The following CADM1 variants were observed in gnomAD, a reference collection of about 807,000 sequenced individuals.
The protein encoded by CADM1 is TSLC-1.
Under a neutral mutation model 53.1 loss-of-function variants are expected in CADM1, and 15 were observed. The observed-to-expected ratio is 0.28, with a 90% CI of 0.19 to 0.44. The LOEUF is 0.44. CADM1 is among the 20% of genes least tolerant of loss of function. CADM1 has a pLI of 1.00. For missense variants in CADM1, 434 were observed against 611.3 expected, an observed-to-expected ratio of 0.71 and a Z score of 3.06; for synonymous variants, 281 against 243.0, an observed-to-expected ratio of 1.16 and a Z score of -1.45.
At chr11:115,422,876 G>A (rs1947793738) in intron 1 of CADM1, among the ~76,000 whole-genome samples, 1 of 152,098 alleles carries the variant, frequency 6.6e-6, no homozygotes, top group South Asian at 2.1e-4. Context: ...AGAAACGGAA[G>A]ATTTTCAAGA....
chr11:115,253,081 G>A (rs1942658473), intron 1 of CADM1, among the ~76,000 whole-genome samples: 1 of 152,106 alleles, frequency 6.6e-6, no homozygotes, highest in Non-Finnish European at 1.5e-5. Context: ...CCCCTGATAA[G>A]GTTAAACAAA....
chr11:115,232,520 G>T (rs573939525), intron 3 of CADM1, among the ~76,000 whole-genome samples: 2 of 152,284 alleles, frequency 1.3e-5, no homozygotes, highest in African/African-American at 4.8e-5. Flanking sequence ...CTTATAAGTA[G>T]ATTTACATAT....
intron 1 of CADM1, among the ~76,000 whole-genome samples, chr11:115,501,447 A>G (rs1186982078): frequency 1.3e-5 from 2 of 152,158 alleles, no homozygotes; most frequent in African/African-American, 2.4e-5. Flanking sequence ...CCTGAAAATG[A>G]TAAGAGGGGG....
chr11:115,333,035 A>G (rs977690446), intron 1 of CADM1, among the ~76,000 whole-genome samples: 1 of 152,018 alleles, frequency 6.6e-6, no homozygotes, highest in Non-Finnish European at 1.5e-5. Flanking sequence ...AGAACGTCCA[A>G]TTGCTTACTG....
intron 1 of CADM1, among the ~76,000 whole-genome samples, chr11:115,494,345 A>G (rs1949564653): frequency 6.6e-6 from 1 of 152,214 alleles, no homozygotes; most frequent in Non-Finnish European, 1.5e-5. Flanking sequence ...ACTCAATTTT[A>G]AAGTCATTTT....
chr11:115,185,601 G>T (rs982446010), intron 10 of CADM1, among the ~76,000 whole-genome samples: 7 of 152,170 alleles, frequency 4.6e-5, no homozygotes, highest in African/African-American at 1.2e-4. Context: ...GAGTGGAAAT[G>T]ACTTGATCCA....
rs939818235 is a variant in CADM1 at position 115,287,036 on chromosome 11, C to G, written c.125-46616G>C. Among the ~76,000 whole-genome samples the G allele has an allele frequency of 5.3e-5, 8 of 152,166 alleles. No individual in the cohort carries two copies. The South Asian group carries it at 1.7e-3, about 32-fold the overall frequency. The stretch of plus-strand genomic sequence containing the variant: ...TAAAAGAGAAGTAGTTTCTCCCGAC[C>G]CCTTCTCCCAACTATTGCCTGTTTG... On this transcript the variant is annotated intron_variant, in intron 1 of 11. Transcript: ENST00000331581.
At chr11:115,225,426 C>T (rs1435435669) in intron 5 of CADM1, among the ~76,000 whole-genome samples, 4 of 152,126 alleles carry the variant, frequency 2.6e-5, no homozygotes, top group Admixed American at 6.6e-5. Flanking sequence ...TGATGTTAAT[C>T]ACTTCAATGC....
At chr11:115,267,426 A>C (rs556692829) in intron 1 of CADM1, among the ~76,000 whole-genome samples, 2 of 152,324 alleles carry the variant, frequency 1.3e-5, no homozygotes, top group East Asian at 3.9e-4. Flanking sequence ...CCAGTGTGCT[A>C]TCTCCTTGAG....
chr11:115,381,057 G>C (rs1373903904), intron 1 of CADM1, among the ~76,000 whole-genome samples: 2 of 152,054 alleles, frequency 1.3e-5, no homozygotes, highest in African/African-American at 2.4e-5. Flanking sequence ...CCCACTTCGG[G>C]ATTCTGAGGC....
intron 1 of CADM1, among the ~76,000 whole-genome samples, chr11:115,264,845 C>T (rs113791539): frequency 1.8e-3 from 270 of 152,266 alleles, no homozygotes; most frequent in African/African-American, 6.0e-3. Flanking sequence ...CTCTTACTAT[C>T]CTTCTTTCCA....
intron 1 of CADM1, among the ~76,000 whole-genome samples, chr11:115,242,772 G>C (rs573510397): frequency 1.3e-5 from 2 of 152,246 alleles, no homozygotes; most frequent in Non-Finnish European, 2.9e-5. Flanking sequence ...CTGGTGACGG[G>C]CATTAATCCT....
chr11:115,429,088 A>G (rs2135290315), intron 1 of CADM1, among the ~76,000 whole-genome samples: 1 of 152,276 alleles, frequency 6.6e-6, no homozygotes, highest in African/African-American at 2.4e-5. Flanking sequence ...CATTTACTCT[A>G]TTAACATACT....
At chr11:115,351,245 T>C (rs1945728757) in intron 1 of CADM1, among the ~76,000 whole-genome samples, 1 of 152,224 alleles carries the variant, frequency 6.6e-6, no homozygotes, top group South Asian at 2.1e-4. Flanking sequence ...TGGTCTCTGG[T>C]ATTTGGCTTT....
At chr11:115,184,080 G>A (rs1939433448) in intron 10 of CADM1, among the ~76,000 whole-genome samples, 1 of 152,072 alleles carries the variant, frequency 6.6e-6, no homozygotes, top group African/African-American at 2.4e-5. Flanking sequence ...AGGGTTGTAG[G>A]GATTAGTCTA....
intron 1 of CADM1, among the ~76,000 whole-genome samples, chr11:115,285,022 A>G (rs1228215453): frequency 1.3e-5 from 2 of 152,252 alleles, no homozygotes; most frequent in South Asian, 2.1e-4. Flanking sequence ...CTCAATCTCA[A>G]TGCTGCCTGA....
intron 1 of CADM1, among the ~76,000 whole-genome samples, chr11:115,306,900 C>T (rs1380284882): frequency 6.6e-6 from 1 of 151,924 alleles, no homozygotes; most frequent in African/African-American, 2.4e-5. Flanking sequence ...AGTAAAAACT[C>T]GATATCCAAC....
chr11:115,259,843 C>T (rs1485140756), intron 1 of CADM1, among the ~76,000 whole-genome samples: 1 of 152,188 alleles, frequency 6.6e-6, no homozygotes, highest in Non-Finnish European at 1.5e-5. Context: ...ATGCCCTTCC[C>T]ACCTCATTTC....
chr11:115,313,062 T>C (rs577809959), intron 1 of CADM1, among the ~76,000 whole-genome samples: 1 of 152,112 alleles, frequency 6.6e-6, no homozygotes, highest in Non-Finnish European at 1.5e-5. Flanking sequence ...CAACAATTTC[T>C]CATGTCACCT....
Sources: gnomAD v4.1 joint callset for allele counts (sites outside exome capture counted in the v4.1 genomes callset) on GRCh38, gnomAD v4.1.1 for gene constraint, MANE v1.5 for transcripts, NCBI Gene and HGNC (gene_info 2026-07-23, HGNC 2026-07-21) for gene names.